Variants in NOXRED1 observed in about 807,000 individuals in gnomAD.
NOXRED1 encodes the protein NADP dependent oxidoreductase domain containing 1.
A neutral mutation model predicts 30.4 loss-of-function variants in NOXRED1; 20 were observed. The ratio of observed to expected loss-of-function variants is 0.66; its 90% CI spans 0.46 to 0.96. The LOEUF is 0.96. NOXRED1 is among the 40% of genes least tolerant of loss of function. NOXRED1 has a pLI of 0.00. For missense variants in NOXRED1, 374 were observed against 428.0 expected, an observed-to-expected ratio of 0.87 and a Z score of 1.11; for synonymous variants, 155 against 168.0, an observed-to-expected ratio of 0.92 and a Z score of 0.60.
intron 5 of NOXRED1, among the ~76,000 whole-genome samples, chr14:77,399,639 C>T (rs1894272572): frequency 6.6e-6 from 1 of 152,112 alleles, no homozygotes; most frequent in Admixed American, 6.6e-5. Context: ...AGGAAATAAT[C>T]TCTGAATCTG....
chr14:77,419,968 A>G (rs1453825927), intron 1 of NOXRED1, among the ~76,000 whole-genome samples: 1 of 152,116 alleles, frequency 6.6e-6, no homozygotes, highest in Non-Finnish European at 1.5e-5. Context: ...GTTCATCCAA[A>G]TTGGAGTCCT....
At chr14:77,424,963 C>G (rs1283436229), upstream of NOXRED1, among the ~76,000 whole-genome samples, 1 of 152,200 alleles carries the variant, frequency 6.6e-6, no homozygotes, top group Non-Finnish European at 1.5e-5. Flanking sequence ...TGAGGGGCAA[C>G]AGTTGGGCCT....
chr14:77,407,593 C>T lies in NOXRED1; in HGVS notation c.402G>A (p.Val134=). ...IKCFYHNADL[V]SWADVIFLCC... ...AGAGGAATATCACATCGGCCCAACT[C>T]ACCAGATCAGCGTTATGGTAAAAGC... Residue 134 remains valine, a synonymous_variant, in exon 3 of 6, where the codon GTG becomes GTA. Coordinates refer to ENST00000380835, the MANE Select transcript of NOXRED1 (RefSeq NM_001113475.3). The T allele has an allele frequency of 6.2e-7, 1 of 1,614,110 alleles. No homozygotes were observed. Among genetic ancestry groups the T allele is most frequent in the Non-Finnish European group, 8.5e-7 (1 of 1,179,954 alleles).
intron 5 of NOXRED1, among the ~76,000 whole-genome samples, chr14:77,399,504 C>T (rs1301630474): frequency 6.6e-6 from 1 of 152,006 alleles, no homozygotes; most frequent in Non-Finnish European, 1.5e-5. Context: ...ATAAAGTAGA[C>T]GGCAGACTAC....
chr14:77,395,057 T>C (rs1347770811), intron 5 of NOXRED1, among the ~76,000 whole-genome samples: 1 of 152,090 alleles, frequency 6.6e-6, no homozygotes, highest in Non-Finnish European at 1.5e-5. Flanking sequence ...TAAAGAATTA[T>C]TATAATATTA....
In NOXRED1 at chr14:77,422,812, C is replaced by T; in HGVS notation, c.78G>A (p.Leu26=). Reference sequence around the variant, plus strand: ...TCATCAGTCCCCGAGAACGGCCCTGCAAATACAGCCAGATACGATCTTCCT... The same window carrying T: ...TCATCAGTCCCCGAGAACGGCCCTGTAAATACAGCCAGATACGATCTTCCT... ...VPEEDRIWLY[L]QGRSRGLMIE... Residue 26 remains leucine (L), a synonymous_variant, in exon 1 of 6, where the codon TTG becomes TTA. Transcript: ENST00000380835. The T allele has an allele frequency of 6.2e-7, 1 of 1,613,954 alleles. No individual in the cohort carries two copies. The highest frequency in any genetic ancestry group is 2.2e-5 in the East Asian group (1 of 44,878).
Position 77,422,826 on chromosome 14 carries a change from T to C in NOXRED1, c.64A>G (p.Ile22Val). The C allele has an allele frequency of 1.2e-6, 2 of 1,613,944 alleles. No homozygotes were observed. Among genetic ancestry groups the C allele is most frequent in the Non-Finnish European group, 1.7e-6 (2 of 1,179,860 alleles). The change falls in exon 1 of 6, where the codon ATC becomes GTC. Residue 22 changes from isoleucine to valine, a missense_variant. Transcript: ENST00000380835. Reference protein sequence around the residue: ...FEYGVPEEDRIWLYLQGRSRG... With the variant: ...FEYGVPEEDRVWLYLQGRSRG... ...GAACGGCCCTGCAAATACAGCCAGA[T>C]ACGATCTTCCTCTGGAACCCCATAC...
intron 2 of NOXRED1, among the ~76,000 whole-genome samples, chr14:77,409,519 C>T (rs1441189866): frequency 6.6e-6 from 1 of 152,118 alleles, no homozygotes; most frequent in African/African-American, 2.4e-5. Context: ...TATAAATTAC[C>T]CAGTCTCAGA....
chr14:77,425,959 C>CTGAAGCAGG (rs1336056064), upstream of NOXRED1, among the ~76,000 whole-genome samples: 1 of 152,238 alleles, frequency 6.6e-6, no homozygotes, highest in Non-Finnish European at 1.5e-5. Context: ...GGTGTGGTGG[C>CTGAAGCAGG]ACGTGCCTGT....
chr14:77,394,707 T>C lies in NOXRED1; in HGVS notation c.1004A>G (p.His335Arg), dbSNP rs372334448. Reference protein sequence around the residue: ...SSPVLQDHLTHLYCASFGISL... With the variant: ...SSPVLQDHLTRLYCASFGISL... The stretch of plus-strand genomic sequence containing the variant: ...GATGCCAAATGAAGCACAGTATAGA[T>C]GGGTAAGGTGGTCTTGGAGAACAGG... The change falls in exon 6 of 6, where the codon CAT (histidine) becomes CGT (arginine). Residue 335 changes from histidine to arginine, a missense_variant. Transcript: ENST00000380835. 21 of 1,613,250 alleles carry C rather than the reference T, an allele frequency of 1.3e-5. No individual in the cohort carries two copies. The African/African-American group carries it at 2.0e-4, about 15-fold the overall frequency.
intron 2 of NOXRED1, among the ~76,000 whole-genome samples, chr14:77,410,524 A>T (rs1471450557): frequency 6.6e-6 from 1 of 152,026 alleles, no homozygotes; most frequent in Non-Finnish European, 1.5e-5. Flanking sequence ...CATGAGAATC[A>T]CTTGAGCTTG....
At position 77,423,176 on chromosome 14, in the gene NOXRED1, C is replaced by T. The variant is rs1895046973; in HGVS notation, c.-287G>A. On this transcript the variant is annotated 5_prime_UTR_variant, in exon 1 of 6. Transcript: ENST00000380835. Reference sequence around the variant, plus strand: ...TGTACAGAAACCCAAAGTATTGTTTCTCCACACAGGTTACAGGCACTGTTT... The same window carrying T: ...TGTACAGAAACCCAAAGTATTGTTTTTCCACACAGGTTACAGGCACTGTTT... 1 of 337,704 alleles carries T rather than the reference C, an allele frequency of 3.0e-6. No homozygotes were observed. The highest frequency in any genetic ancestry group is 2.1e-5 in the African/African-American group (1 of 46,664). The allele number at this position is 337,704 out of a possible 1,614,324, so 20.9% of individuals were successfully genotyped here. A position where few individuals can be genotyped will look rare whatever the true frequency, so the allele number is the denominator to read the frequency against.
At position 77,394,470 on chromosome 14, in the gene NOXRED1, A is replaced by G. The variant is rs1211225028; in HGVS notation, c.*161T>C. On this transcript the variant is annotated 3_prime_UTR_variant, in exon 6 of 6. Coordinates refer to ENST00000380835, the MANE Select transcript of NOXRED1 (RefSeq NM_001113475.3). ...TGGATAGGACCACTTGTTTTATTCT[A>G]CATTTTAAAGAGTCATCAGTACAGT... 4.2e-6 allele frequency: 2 copies of G among 473,594 alleles called. No homozygotes were observed. Among genetic ancestry groups the G allele is most frequent in the Non-Finnish European group, 3.7e-6 (1 of 270,198 alleles). 29.3% of individuals were successfully genotyped at this position (473,594 alleles called of 1,614,324 possible).
chr14:77,413,819 G>T, intron 2 of NOXRED1, 115 bp downstream of exon 2: 2 of 626,464 alleles, frequency 3.2e-6, no homozygotes, highest in Middle Eastern at 4.9e-4. Context: ...CTAGCAAGCT[G>T]AGAACTCCAC....
chr14:77,407,698 G>T, intron 2 of NOXRED1, 53 bp from the exon 3 acceptor site: 1 of 1,244,526 alleles, frequency 8.0e-7, no homozygotes, highest in Non-Finnish European at 1.2e-6. Context: ...AGTTTGACCT[G>T]AACATCAACT....
At chr14:77,416,456 C>T (rs1295866853) in intron 1 of NOXRED1, among the ~76,000 whole-genome samples, 3 of 152,078 alleles carry the variant, frequency 2.0e-5, no homozygotes, top group Non-Finnish European at 2.9e-5. Context: ...CATCTTGCAC[C>T]GCCCTTAATC....
At chr14:77,402,874 A>C (rs1894363529) in intron 5 of NOXRED1, among the ~76,000 whole-genome samples, 1 of 149,816 alleles carries the variant, frequency 6.7e-6, no homozygotes, top group Non-Finnish European at 1.5e-5. Flanking sequence ...TTTCTACTAA[A>C]AACACAAAAA....
chr14:77,413,484 G>A (rs569133610), intron 2 of NOXRED1, among the ~76,000 whole-genome samples: 112 of 152,120 alleles, frequency 7.4e-4, no homozygotes, highest in African/African-American at 2.6e-3. Flanking sequence ...TCATCTGCCC[G>A]CCTTGGCCTC....
At chr14:77,419,696 C>A (rs183712330) in intron 1 of NOXRED1, among the ~76,000 whole-genome samples, 24 of 151,990 alleles carry the variant, frequency 1.6e-4, no homozygotes, top group African/African-American at 5.5e-4. Flanking sequence ...GATCCGCCCC[C>A]CTCAGCCTCC....
Sources: gnomAD v4.1 joint callset for allele counts (sites outside exome capture counted in the v4.1 genomes callset) on GRCh38, gnomAD v4.1.1 for gene constraint, MANE v1.5 for transcripts, NCBI Gene and HGNC (gene_info 2026-07-23, HGNC 2026-07-21) for gene names.